Variants in PLEKHM3 observed in about 807,000 individuals in gnomAD.
PLEKHM3 encodes the protein pleckstrin homology domain containing M3.
Under a neutral mutation model 81.8 loss-of-function variants are expected in PLEKHM3, and 45 were observed. The ratio of observed to expected loss-of-function variants is 0.55; its 90% CI spans 0.43 to 0.71. PLEKHM3 has a LOEUF of 0.71. Among genes scored for constraint, PLEKHM3 ranks in the 30% least tolerant of loss-of-function variants. PLEKHM3 has a pLI of 0.00. For missense variants in PLEKHM3, 788 were observed against 924.3 expected (o/e 0.85, Z 1.91); for synonymous variants, 352 against 356.4 (o/e 0.99, Z 0.14).
intron 5 of PLEKHM3, among the ~76,000 whole-genome samples, chr2:207,923,880 C>CACACATATAT (rs1319162543): frequency 1.6e-4 from 9 of 56,782 alleles, no homozygotes; most frequent in East Asian, 4.3e-4. Context: ...CACACACACA[C>CACACATATAT]ATATATATAT....
chr2:207,924,458 G>A (rs912926411), intron 5 of PLEKHM3, among the ~76,000 whole-genome samples: 2 of 152,000 alleles, frequency 1.3e-5, no homozygotes, highest in East Asian at 3.9e-4. Context: ...GCCGAGGCAG[G>A]TGGATCACTT....
chr2:207,921,197 C>T (rs571585319), intron 5 of PLEKHM3, among the ~76,000 whole-genome samples: 42 of 152,140 alleles, frequency 2.8e-4, no homozygotes, highest in African/African-American at 8.7e-4. Flanking sequence ...TACAGGTGCA[C>T]GCTACCACAC....
chr2:207,859,347 A>G (rs1045499522), intron 7 of PLEKHM3, among the ~76,000 whole-genome samples: 1 of 151,888 alleles, frequency 6.6e-6, no homozygotes, highest in Non-Finnish European at 1.5e-5. Flanking sequence ...CATGTTGGTC[A>G]GGGTGGTCTC....
chr2:207,867,895 A>G (rs957746223), intron 6 of PLEKHM3, among the ~76,000 whole-genome samples: 2 of 152,084 alleles, frequency 1.3e-5, no homozygotes, highest in Non-Finnish European at 2.9e-5. Context: ...CAAATATTAG[A>G]CCAAAGCCAG....
At chr2:207,975,622 G>A (rs909281972) in intron 3 of PLEKHM3, among the ~76,000 whole-genome samples, 1 of 114,604 alleles carries the variant, frequency 8.7e-6, no homozygotes, top group Non-Finnish European at 1.7e-5. Flanking sequence ...ATGGAGTGTC[G>A]CTCTGTCGCC....
intron 5 of PLEKHM3, among the ~76,000 whole-genome samples, chr2:207,923,598 ACT>A (rs1215616823): frequency 2.0e-5 from 3 of 151,986 alleles, no homozygotes; most frequent in African/African-American, 4.8e-5. Flanking sequence ...CAAGAGCGAA[ACT>A]CTGTCTCACA....
At chr2:207,928,248 C>T (rs149020309) in intron 5 of PLEKHM3, among the ~76,000 whole-genome samples, 739 of 152,316 alleles carry the variant, frequency 4.9e-3, no homozygotes, top group Middle Eastern at 6.8e-3. Context: ...GACTGCTCCA[C>T]CCATTTTATG....
intron 5 of PLEKHM3, among the ~76,000 whole-genome samples, chr2:207,911,810 C>T (rs1023915628): frequency 5.9e-5 from 9 of 152,128 alleles, no homozygotes; most frequent in Non-Finnish European, 1.3e-4. Flanking sequence ...TTTGTAGAAA[C>T]ATAGGTCAGC....
chr2:207,872,137 C>T (rs1385178863), intron 6 of PLEKHM3, among the ~76,000 whole-genome samples: 1 of 152,198 alleles, frequency 6.6e-6, no homozygotes, highest in Non-Finnish European at 1.5e-5. Flanking sequence ...CCCCTTGCTA[C>T]TCCAAGGAAG....
At position 207,825,052 on chromosome 2, in the gene PLEKHM3, A is replaced by C. The variant is rs1305480341; in HGVS notation, c.*3267T>G. ...CTCCCTAGAAAAGGCAGTGAAGCAA[A>C]GGGGGCTGCTGAGAGTTTACATGGT... is the stretch of plus-strand genomic sequence containing the variant. On this transcript the variant is annotated 3_prime_UTR_variant, in exon 8 of 8. Coordinates refer to ENST00000427836, the MANE Select transcript of PLEKHM3 (RefSeq NM_001080475.3). 1.3e-5 allele frequency: 2 copies of C among 152,168 alleles called. No homozygotes were observed. The highest frequency in any genetic ancestry group is 2.4e-5 in the African/African-American group (1 of 41,442). 9.4% of individuals were successfully genotyped at this position (152,168 alleles called of 1,614,324 possible). A position where few individuals can be genotyped will look rare whatever the true frequency, so the allele number is the denominator to read the frequency against.
At chr2:207,952,043 C>T (rs186819844) in intron 3 of PLEKHM3, among the ~76,000 whole-genome samples, 18 of 152,186 alleles carry the variant, frequency 1.2e-4, no homozygotes, top group African/African-American at 3.9e-4. Flanking sequence ...AAGCTTTTAC[C>T]TAATTCAGTA....
In PLEKHM3 at chr2:207,843,092, G is replaced by A. The variant is rs142252298; in HGVS notation, c.2109-14596C>T. Among the ~76,000 whole-genome samples the A allele has an allele frequency of 6.6e-5, 10 of 152,230 alleles. No homozygotes were observed. The East Asian group carries it at 1.7e-3, about 26-fold the overall frequency. ...CAGCTACCAGTGTAGCTAAAGCTAC[G>A]GGTGCACACCACCATAGCTGGCTCA... On this transcript the variant is annotated intron_variant, in intron 7 of 7. Coordinates refer to ENST00000427836, the MANE Select transcript of PLEKHM3 (RefSeq NM_001080475.3). The surrounding 1 kb of genome is among the most constrained non-coding windows in gnomAD (Gnocchi z 4.4).
At chr2:207,889,597 T>C (rs984231367) in intron 6 of PLEKHM3, among the ~76,000 whole-genome samples, 3 of 151,918 alleles carry the variant, frequency 2.0e-5, no homozygotes, top group Admixed American at 2.0e-4. Context: ...CCTAGCCAAG[T>C]TCTGTGGTGA....
intron 6 of PLEKHM3, among the ~76,000 whole-genome samples, chr2:207,878,950 C>T (rs900641806): frequency 2.0e-5 from 3 of 152,112 alleles, no homozygotes; most frequent in African/African-American, 7.2e-5. Context: ...CTAGGGACAG[C>T]CTCTTTTTCC....
intron 6 of PLEKHM3, among the ~76,000 whole-genome samples, chr2:207,884,331 T>C (rs972077622): frequency 1.3e-5 from 2 of 152,120 alleles, no homozygotes; most frequent in Non-Finnish European, 2.9e-5. Flanking sequence ...CTGGAAGTTC[T>C]AGCCAGGGCA....
At chr2:207,975,131 T>C (rs1006056053) in intron 3 of PLEKHM3, among the ~76,000 whole-genome samples, 1 of 149,664 alleles carries the variant, frequency 6.7e-6, no homozygotes, top group African/African-American at 2.5e-5. Context: ...CCCAGTCTAG[T>C]AGAGCTTCTT....
chr2:208,002,455 G>C (rs1254780384), intron 1 of PLEKHM3, among the ~76,000 whole-genome samples: 1 of 152,230 alleles, frequency 6.6e-6, no homozygotes, highest in East Asian at 1.9e-4. Context: ...GACTGTGCTT[G>C]TGCTTCTTAG....
intron 1 of PLEKHM3, among the ~76,000 whole-genome samples, chr2:208,023,442 C>G (rs1282673664): frequency 6.6e-6 from 1 of 152,172 alleles, no homozygotes; most frequent in Non-Finnish European, 1.5e-5. Context: ...TCCCCAACCC[C>G]CATGTCTGTA....
At chr2:208,023,461 C>T (rs1235433211) in intron 1 of PLEKHM3, among the ~76,000 whole-genome samples, 5 of 152,154 alleles carry the variant, frequency 3.3e-5, no homozygotes, top group African/African-American at 7.2e-5. Flanking sequence ...TAGACTAGTA[C>T]GGGTCCATGG....
Sources: gnomAD v4.1 joint callset for allele counts (sites outside exome capture counted in the v4.1 genomes callset) on GRCh38, gnomAD v4.1.1 for gene constraint, Gnocchi (gnomAD v3.1) non-coding constraint, MANE v1.5 for transcripts, NCBI Gene and HGNC (gene_info 2026-07-23, HGNC 2026-07-21) for gene names.